TMEM132D: variants seen among roughly 807,000 people sequenced by gnomAD.
TMEM132D encodes the protein mature OL transmembrane protein.
Under a neutral mutation model 62.3 loss-of-function variants are expected in TMEM132D, and 21 were observed. The observed-to-expected ratio is 0.34, with a 90% CI of 0.24 to 0.49. The LOEUF (loss-of-function observed/expected upper bound fraction) is 0.49, where lower values mean the gene tolerates loss of function less well. TMEM132D is among the 20% of genes least tolerant of loss of function. TMEM132D has a pLI of 0.99. For missense variants in TMEM132D, 1,346 were observed against 1,402.8 expected (o/e 0.96, Z 0.65); for synonymous variants, 621 against 575.6 (o/e 1.08, Z -1.13).
At chr12:129,490,623 T>G (rs1374147305) in intron 3 of TMEM132D, among the ~76,000 whole-genome samples, 18 of 113,642 alleles carry the variant, frequency 1.6e-4, no homozygotes, top group South Asian at 3.2e-4. Context: ...TTTTTTTTTT[T>G]TTTGTATTTT....
At chr12:129,803,007 C>T (rs1871848698) in intron 1 of TMEM132D, among the ~76,000 whole-genome samples, 1 of 150,674 alleles carries the variant, frequency 6.6e-6, no homozygotes, top group African/African-American at 2.5e-5. Flanking sequence ...AATATATATG[C>T]ACCCAATACA....
chr12:129,097,899 A>C (rs1005023842), intron 5 of TMEM132D, among the ~76,000 whole-genome samples: 1 of 152,268 alleles, frequency 6.6e-6, no homozygotes, highest in African/African-American at 2.4e-5. Context: ...CTGCATACGC[A>C]GAAGTGTTTA....
chr12:129,611,785 G>A (rs1878780701), intron 2 of TMEM132D, among the ~76,000 whole-genome samples: 1 of 152,190 alleles, frequency 6.6e-6, no homozygotes, highest in Non-Finnish European at 1.5e-5. Flanking sequence ...TGTGGCCTCA[G>A]CCCAATTGTA....
chr12:129,357,916 T>C (rs781779269), intron 3 of TMEM132D, among the ~76,000 whole-genome samples: 2 of 152,252 alleles, frequency 1.3e-5, no homozygotes, highest in Non-Finnish European at 2.9e-5. Context: ...AAAGTCAAGA[T>C]ATTACTCAAA....
intron 3 of TMEM132D, among the ~76,000 whole-genome samples, chr12:129,373,408 G>T (rs1334771720): frequency 6.6e-6 from 1 of 152,074 alleles, no homozygotes; most frequent in Non-Finnish European, 1.5e-5. Context: ...CGAGGTGGGT[G>T]GATCACGAGG....
chr12:129,608,932 C>T (rs1187489579), intron 2 of TMEM132D, among the ~76,000 whole-genome samples: 1 of 144,278 alleles, frequency 6.9e-6, no homozygotes, highest in African/African-American at 2.6e-5. Flanking sequence ...TGAGTTGGGC[C>T]CTCAAATTGT....
intron 5 of TMEM132D, among the ~76,000 whole-genome samples, chr12:129,149,876 C>T (rs1457175890): frequency 6.6e-6 from 1 of 152,232 alleles, no homozygotes; most frequent in African/African-American, 2.4e-5. Flanking sequence ...CCTGAACACT[C>T]CTCCTGTAGC....
At chr12:129,076,033 G>GGC (rs758254791) in intron 8 of TMEM132D, among the ~76,000 whole-genome samples, 542 of 151,332 alleles carry the variant, frequency 3.6e-3, no homozygotes, top group Non-Finnish European at 6.4e-3. Flanking sequence ...TGATTGAAAT[G>GGC]AGACAGCTGC....
intron 2 of TMEM132D, among the ~76,000 whole-genome samples, chr12:129,647,460 G>A (rs1879816576): frequency 6.6e-6 from 1 of 152,094 alleles, no homozygotes; most frequent in African/African-American, 2.4e-5. Flanking sequence ...GCTTCTGGGT[G>A]TGTGTCTAGC....
chr12:129,259,861 A>T (rs113525230), intron 4 of TMEM132D, among the ~76,000 whole-genome samples: 2,429 of 152,260 alleles, frequency 0.016, 56 homozygotes, highest in African/African-American at 0.055. Flanking sequence ...TTGTAATTTG[A>T]CTTGAGCAAT....
chr12:129,552,814 T>C (rs973122017), intron 2 of TMEM132D, among the ~76,000 whole-genome samples: 4 of 152,204 alleles, frequency 2.6e-5, no homozygotes, highest in African/African-American at 9.6e-5. Flanking sequence ...CTAGCATCTA[T>C]CTACCGGTTT....
At chr12:129,458,503 C>T (rs950551880) in intron 3 of TMEM132D, among the ~76,000 whole-genome samples, 4 of 151,576 alleles carry the variant, frequency 2.6e-5, no homozygotes, top group South Asian at 2.1e-4. Flanking sequence ...AAGAAAAGAC[C>T]GTCTCAAATG....
chr12:129,169,112 A>G (rs563551045), intron 5 of TMEM132D, among the ~76,000 whole-genome samples: 69 of 152,240 alleles, frequency 4.5e-4, no homozygotes, highest in African/African-American at 1.6e-3. Flanking sequence ...CCATCCAAAG[A>G]GCTTGTTAAA....
Position 129,321,579 on chromosome 12 carries a change from C to T in TMEM132D, c.1299+16055G>A, listed in dbSNP as rs556217615. On this transcript the variant is annotated intron_variant, in intron 4 of 8. Transcript: ENST00000422113. ...GATCTTTTCTTTTTTTTTTTTGAGA[C>T]GGAGTCTCACTCTTTCGCCCAGGCT... is the stretch of plus-strand genomic sequence containing the variant. 1.0e-3 allele frequency among the ~76,000 whole-genome samples: 157 copies of T among 150,796 alleles called. 1 individual carries two copies. Among genetic ancestry groups the T allele is most frequent in the Admixed American group, 1.8e-3 (27 of 15,176 alleles).
At chr12:129,840,292 C>G (rs895064857) in intron 1 of TMEM132D, 1 of 152,124 alleles carries the variant, frequency 6.6e-6, no homozygotes, top group Non-Finnish European at 1.5e-5. Flanking sequence ...GGGCACTGCC[C>G]CCCAACAGAG....
chr12:129,315,205 C>T (rs958352998), intron 4 of TMEM132D, among the ~76,000 whole-genome samples: 3 of 152,116 alleles, frequency 2.0e-5, no homozygotes, highest in Non-Finnish European at 4.4e-5. Context: ...TGAGAGTGGG[C>T]ATCCTTGTCT....
intron 3 of TMEM132D, among the ~76,000 whole-genome samples, chr12:129,456,184 C>T (rs2135729473): frequency 6.6e-6 from 1 of 152,296 alleles, no homozygotes; most frequent in South Asian, 2.1e-4. Flanking sequence ...ACTCTCCCCA[C>T]TAATGCCATT....
chr12:129,095,190 A>C (rs1442590909), intron 5 of TMEM132D, among the ~76,000 whole-genome samples: 1 of 152,046 alleles, frequency 6.6e-6, no homozygotes. Context: ...AATAATAATA[A>C]AATTTAAAAA....
chr12:129,133,162 A>G (rs898159686), intron 5 of TMEM132D, among the ~76,000 whole-genome samples: 13 of 151,690 alleles, frequency 8.6e-5, no homozygotes, highest in Non-Finnish European at 1.6e-4. Flanking sequence ...ATCTGCATCT[A>G]TTTTTTTTCT....
Sources: allele counts gnomAD v4.1 joint callset (sites outside exome capture counted in the v4.1 genomes callset), GRCh38; gene constraint gnomAD v4.1.1; transcripts MANE v1.5; gene names NCBI Gene and HGNC (gene_info 2026-07-23, HGNC 2026-07-21).